OSBPL8: variants seen among roughly 807,000 people sequenced by gnomAD.
The protein encoded by OSBPL8 is oxysterol binding protein like 8.
Under a neutral mutation model 125.5 loss-of-function variants are expected in OSBPL8, and 59 were observed. That is an observed-to-expected ratio of 0.47 (90% CI 0.38 to 0.58). OSBPL8 has a LOEUF of 0.58. Among genes scored for constraint, OSBPL8 ranks in the 20% least tolerant of loss-of-function variants. The probability of loss-of-function intolerance (pLI) is 0.00; values close to 1 mark genes in which losing one functional copy is unlikely to be tolerated. For missense variants in OSBPL8, 758 were observed against 1,047.8 expected (o/e 0.72, Z 3.82); for synonymous variants, 330 against 338.9 (o/e 0.97, Z 0.29).
intron 1 of OSBPL8, among the ~76,000 whole-genome samples, chr12:76,509,120 T>C (rs537697066): frequency 3.3e-5 from 5 of 152,362 alleles, no homozygotes; most frequent in African/African-American, 1.2e-4. Context: ...ACCTTTTCTA[T>C]GCTTAGTCAT....
At chr12:76,386,547 A>G (rs1470298356) in intron 13 of OSBPL8, 32 bp downstream of exon 13, 2 of 1,520,416 alleles carry the variant, frequency 1.3e-6, no homozygotes, top group East Asian at 2.3e-5. Flanking sequence ...ATAAAACACT[A>G]AAGACAATAA....
intron 4 of OSBPL8, among the ~76,000 whole-genome samples, chr12:76,414,227 C>G (rs1164284818): frequency 6.6e-6 from 1 of 151,638 alleles, no homozygotes; most frequent in African/African-American, 2.4e-5. Context: ...CACACCCTAT[C>G]TGTTCTATTC....
chr12:76,477,260 T>C (rs924034515), intron 2 of OSBPL8, among the ~76,000 whole-genome samples: 11 of 152,224 alleles, frequency 7.2e-5, no homozygotes, highest in African/African-American at 2.7e-4. Context: ...AGAGCTATTG[T>C]ATATGTGGAT....
chr12:76,457,227 T>C (rs1874162836), intron 3 of OSBPL8, among the ~76,000 whole-genome samples: 1 of 152,200 alleles, frequency 6.6e-6, no homozygotes, highest in Non-Finnish European at 1.5e-5. Context: ...ATTATTACAG[T>C]AGTACGGTAT....
chr12:76,402,680 G>A lies in OSBPL8; in HGVS notation c.366+9C>T, dbSNP rs775783391. The A allele has an allele frequency of 6.3e-7, 1 of 1,580,042 alleles. No individual in the cohort carries two copies. The highest frequency in any genetic ancestry group is 2.2e-5 in the East Asian group (1 of 44,592). ...GTAAATTACCTTTCAGAAACAACTG[G>A]AAACTAACCTTAAGAGATTCTTTTT... On this transcript the variant is annotated intron_variant, in intron 6 of 23. Transcript: ENST00000261183.
chr12:76,536,092 G>T (rs182067391), intron 1 of OSBPL8, among the ~76,000 whole-genome samples: 1 of 151,954 alleles, frequency 6.6e-6, no homozygotes, highest in Non-Finnish European at 1.5e-5. Flanking sequence ...GTGATATTGG[G>T]GGGGTGTGAG....
intron 5 of OSBPL8, among the ~76,000 whole-genome samples, chr12:76,404,660 A>T (rs1266258200): frequency 6.6e-6 from 1 of 152,144 alleles, no homozygotes. Context: ...ATAAACAGTA[A>T]ATATACTTTC....
intron 2 of OSBPL8, among the ~76,000 whole-genome samples, chr12:76,469,576 C>T (rs1008826058): frequency 6.6e-6 from 1 of 152,170 alleles, no homozygotes; most frequent in African/African-American, 2.4e-5. Context: ...GCAAGCTTTA[C>T]ACTCAGTTCT....
intron 12 of OSBPL8, among the ~76,000 whole-genome samples, chr12:76,388,239 A>G (rs967946073): frequency 3.3e-5 from 5 of 152,206 alleles, no homozygotes; most frequent in African/African-American, 9.6e-5. Flanking sequence ...CATTCTGTAT[A>G]TGTGGCATTA....
chr12:76,526,391 A>G (rs1182509503), intron 1 of OSBPL8, among the ~76,000 whole-genome samples: 2 of 151,964 alleles, frequency 1.3e-5, no homozygotes, highest in East Asian at 1.9e-4. Context: ...GAATTTAATG[A>G]TTTTCCCCCA....
intron 1 of OSBPL8, among the ~76,000 whole-genome samples, chr12:76,535,429 T>C (rs531280555): frequency 6.6e-6 from 1 of 152,286 alleles, no homozygotes; most frequent in South Asian, 2.1e-4. Context: ...ACCACTAGAA[T>C]GTTAATTAAA....
intron 4 of OSBPL8, among the ~76,000 whole-genome samples, chr12:76,412,011 T>C (rs1185054439): frequency 6.6e-6 from 1 of 152,160 alleles, no homozygotes; most frequent in Non-Finnish European, 1.5e-5. Flanking sequence ...GGAATTCTAA[T>C]CCTAGATATA....
At chr12:76,367,850 T>A (rs917284343) in intron 21 of OSBPL8, among the ~76,000 whole-genome samples, 1 of 152,236 alleles carries the variant, frequency 6.6e-6, no homozygotes, top group East Asian at 1.9e-4. Flanking sequence ...CCATCCTCTC[T>A]GCTTTTATGT....
At chr12:76,515,831 C>A (rs765715717) in intron 1 of OSBPL8, among the ~76,000 whole-genome samples, 2 of 152,070 alleles carry the variant, frequency 1.3e-5, no homozygotes, top group Non-Finnish European at 2.9e-5. Flanking sequence ...TATTAACTCA[C>A]CCCTTCCATT....
At chr12:76,507,056 T>C (rs917336525) in intron 1 of OSBPL8, among the ~76,000 whole-genome samples, 4 of 151,706 alleles carry the variant, frequency 2.6e-5, no homozygotes, top group African/African-American at 9.8e-5. Flanking sequence ...TTGACTCATT[T>C]CTCAAAACTG....
chr12:76,507,978 C>A (rs903147597), intron 1 of OSBPL8, among the ~76,000 whole-genome samples: 2 of 148,768 alleles, frequency 1.3e-5, no homozygotes, highest in Admixed American at 1.3e-4. Flanking sequence ...TGAGATCAGC[C>A]TGACCAACAT....
At chr12:76,431,631 T>C (rs1870836482) in intron 4 of OSBPL8, among the ~76,000 whole-genome samples, 1 of 152,082 alleles carries the variant, frequency 6.6e-6, no homozygotes, top group Admixed American at 6.6e-5. Context: ...AAAAATGGAC[T>C]ATAAGTCAAA....
chr12:76,511,608 T>G (rs886341012), intron 1 of OSBPL8, among the ~76,000 whole-genome samples: 6 of 152,226 alleles, frequency 3.9e-5, no homozygotes, highest in Non-Finnish European at 5.9e-5. Flanking sequence ...AAGTTCCTTA[T>G]AGATGCTGGA....
intron 1 of OSBPL8, among the ~76,000 whole-genome samples, chr12:76,487,857 C>T (rs1352194419): frequency 6.6e-6 from 1 of 151,920 alleles, no homozygotes; most frequent in African/African-American, 2.4e-5. Flanking sequence ...ATGAGACTGC[C>T]TAAAATTTGA....
Sources: allele counts gnomAD v4.1 joint callset (sites outside exome capture counted in the v4.1 genomes callset), GRCh38; gene constraint gnomAD v4.1.1; transcripts MANE v1.5; gene names NCBI Gene and HGNC (gene_info 2026-07-23, HGNC 2026-07-21).